The following ZNF75A variants were observed in gnomAD, a reference collection of about 807,000 sequenced individuals.
ZNF75A encodes the protein zinc finger protein 75A.
In ZNF75A, 36 loss-of-function variants were observed where a neutral mutation model predicts 46.3. That is an observed-to-expected ratio of 0.78 (90% CI 0.60 to 1.03). The LOEUF (loss-of-function observed/expected upper bound fraction) is 1.03. ZNF75A is among the 50% of genes least tolerant of loss of function. The pLI, the probability that ZNF75A is intolerant of heterozygous loss-of-function variation, is 0.00. For missense variants in ZNF75A, 595 were observed against 551.3 expected (o/e 1.08, Z -0.79); for synonymous variants, 234 against 189.9 (o/e 1.23, Z -1.91).
At chr16:3,322,400 G>A (rs564407451), downstream of ZNF75A, among the ~76,000 whole-genome samples, 2 of 152,228 alleles carry the variant, frequency 1.3e-5, no homozygotes, top group South Asian at 4.1e-4. Flanking sequence ...GGCAATGGTA[G>A]TTGGGCTGTA....
In ZNF75A at chr16:3,317,919, C is replaced by A; in HGVS notation, c.*50C>A. ...TTCTGAAGACATTCACCAAATGGAGCTTGGCACTAAAATTTATGTAAAAGA... is the reference window on the plus strand; with the variant it reads ...TTCTGAAGACATTCACCAAATGGAGATTGGCACTAAAATTTATGTAAAAGA... On this transcript the variant is annotated 3_prime_UTR_variant, in exon 7 of 7. Coordinates refer to ENST00000669516, the MANE Select transcript of ZNF75A (RefSeq NM_001302109.2). The A allele has an allele frequency of 6.6e-7, 1 of 1,511,084 alleles. No homozygotes were observed. The highest frequency in any genetic ancestry group is 8.8e-7 in the Non-Finnish European group (1 of 1,131,244). 93.6% of individuals were successfully genotyped at this position (1,511,084 alleles called of 1,614,324 possible).
Position 3,318,499 on chromosome 16 carries a change from A to G in ZNF75A, c.*630A>G. On this transcript the variant is annotated 3_prime_UTR_variant, in exon 7 of 7. Transcript: ENST00000669516. Reference sequence around the variant, plus strand: ...CATCTCTAATGGAATCATGGGGGAAACGGGTTGGAATTTGTAGCCATGGAA... The same window carrying G: ...CATCTCTAATGGAATCATGGGGGAAGCGGGTTGGAATTTGTAGCCATGGAA... The G allele has an allele frequency of 1.0e-6, 1 of 985,410 alleles. No individual in the cohort carries two copies. The highest frequency in any genetic ancestry group is 1.2e-6 in the Non-Finnish European group (1 of 829,930). 61.0% of individuals were successfully genotyped at this position (985,410 alleles called of 1,614,324 possible).
intron 5 of ZNF75A, among the ~76,000 whole-genome samples, chr16:3,313,951 T>C (rs1049222656): frequency 6.6e-6 from 1 of 152,184 alleles, no homozygotes; most frequent in Non-Finnish European, 1.5e-5. Flanking sequence ...TTTTACCCTC[T>C]TGTTTCATTT....
At chr16:3,317,152 T>C (rs1235308229) in intron 6 of ZNF75A, 38 bp from the exon 7 acceptor site, 1 of 1,567,368 alleles carries the variant, frequency 6.4e-7, no homozygotes, top group African/African-American at 1.4e-5. Context: ...ATTTGCTTGT[T>C]CTGGGATACA....
intron 1 of ZNF75A, chr16:3,307,322 T>C (rs1960358178): frequency 6.6e-6 from 1 of 152,202 alleles, no homozygotes; most frequent in Non-Finnish European, 1.5e-5. Flanking sequence ...AATTAAGGTA[T>C]CATAGCTATG....
intron 1 of ZNF75A, chr16:3,306,300 A>C (rs1470245349): frequency 6.9e-6 from 1 of 145,076 alleles, no homozygotes; most frequent in Non-Finnish European, 1.5e-5. Context: ...TTTCATAAAC[A>C]TCAGCGACAG....
Position 3,318,314 on chromosome 16 carries a change from C to T in ZNF75A, c.*445C>T, listed in dbSNP as rs151010994. On this transcript the variant is annotated 3_prime_UTR_variant, in exon 7 of 7. Coordinates refer to ENST00000669516, the MANE Select transcript of ZNF75A (RefSeq NM_001302109.2). ...ACACGGTTTGCAAAGTTGGACATCA[C>T]TTGAGTTCCTTCTTAAACTTTTCGG... 4.4e-4 allele frequency: 438 copies of T among 989,588 alleles called. 4 individuals carry two copies. In the African/African-American group the frequency reaches 7.2e-3, roughly 16 times the overall value. 61.3% of individuals were successfully genotyped at this position (989,588 alleles called of 1,614,324 possible).
At position 3,315,475 on chromosome 16, in the gene ZNF75A, G is replaced by A. The variant is rs543137360; in HGVS notation, c.824-1437G>A. ...CTCCCAAAGTGCTGGGATTATAGGC[G>A]TGAGCCACCGTGCCCAGCTAGTACT... On this transcript the variant is annotated intron_variant, in intron 5 of 6. Coordinates refer to ENST00000669516, the MANE Select transcript of ZNF75A (RefSeq NM_001302109.2). Among the ~76,000 whole-genome samples the A allele has an allele frequency of 6.6e-5, 10 of 152,186 alleles. No homozygotes were observed. The East Asian group carries it at 1.5e-3, about 24-fold the overall frequency.
At chr16:3,306,206 T>C (rs1397431355) in intron 1 of ZNF75A, 1 of 152,086 alleles carries the variant, frequency 6.6e-6, no homozygotes, top group Non-Finnish European at 1.5e-5. Flanking sequence ...CAGCCCCCCT[T>C]AGAAGTCTAA....
chr16:3,323,258 G>A, downstream of ZNF75A: 4 of 797,122 alleles, frequency 5.0e-6, 1 homozygote, highest in South Asian at 5.3e-5. Flanking sequence ...CCTTGAGGAA[G>A]CCCACTGTAT....
At chr16:3,314,621 G>C (rs879103522) in intron 5 of ZNF75A, 7 of 971,760 alleles carry the variant, frequency 7.2e-6, no homozygotes, top group Non-Finnish European at 8.6e-6. Flanking sequence ...GTGGGCCCCC[G>C]CCTTTTTTTT....
intron 1 of ZNF75A, chr16:3,306,349 C>T (rs561093841): frequency 3.3e-5 from 5 of 152,024 alleles, no homozygotes; most frequent in African/African-American, 9.7e-5. Flanking sequence ...ATAAAATATC[C>T]TTTTTTACAA....
At chr16:3,315,804 T>C (rs1448298963) in intron 5 of ZNF75A, among the ~76,000 whole-genome samples, 1 of 152,204 alleles carries the variant, frequency 6.6e-6, no homozygotes, top group African/African-American at 2.4e-5. Context: ...TTCCTAACCA[T>C]ATTTGGAGAA....
At position 3,318,522 on chromosome 16, in the gene ZNF75A, G is replaced by A. The variant is rs910713069; in HGVS notation, c.*653G>A. ...AAACGGGTTGGAATTTGTAGCCATG[G>A]AATATATATTAGATGTAAAGAATTT... On this transcript the variant is annotated 3_prime_UTR_variant, in exon 7 of 7. Coordinates refer to ENST00000669516, the MANE Select transcript of ZNF75A (RefSeq NM_001302109.2). 2.0e-6 allele frequency: 2 copies of A among 985,178 alleles called. No individual in the cohort carries two copies. Among genetic ancestry groups the A allele is most frequent in the African/African-American group, 3.5e-5 (2 of 57,192 alleles). 61.0% of individuals were successfully genotyped at this position (985,178 alleles called of 1,614,324 possible).
At chr16:3,323,415 T>A, downstream of ZNF75A, 1 of 777,776 alleles carries the variant, frequency 1.3e-6, no homozygotes, top group Admixed American at 1.7e-5. Flanking sequence ...TCAATCACTG[T>A]GTTGTCTGTC....
In ZNF75A at chr16:3,317,401, A is replaced by T; in HGVS notation, c.1146A>T (p.Lys382Asn). Reference sequence around the variant, plus strand: ...AAAGAAAGAAACTTTCAACCTGGAAACAAGAGCTGCTCAAACTTATGGATC... The same window carrying T: ...AAAGAAAGAAACTTTCAACCTGGAATCAAGAGCTGCTCAAACTTATGGATC... Reference protein sequence around the residue: ...VKKRKKLSTWKQELLKLMDRH... With the variant: ...VKKRKKLSTWNQELLKLMDRH... The change falls in exon 7 of 7, where the codon AAA becomes AAT. Residue 382 changes from lysine (K) to asparagine (N), a missense_variant. Coordinates refer to ENST00000669516, the MANE Select transcript of ZNF75A (RefSeq NM_001302109.2). 6.2e-7 allele frequency: 1 copy of T among 1,614,198 alleles called. No individual in the cohort carries two copies. The highest frequency in any genetic ancestry group is 8.5e-7 in the Non-Finnish European group (1 of 1,180,034).
At chr16:3,320,507 C>T (rs981729431), downstream of ZNF75A, among the ~76,000 whole-genome samples, 4 of 152,190 alleles carry the variant, frequency 2.6e-5, no homozygotes, top group African/African-American at 9.7e-5. Flanking sequence ...CTAATGGGAC[C>T]ACTTAAGACC....
intron 4 of ZNF75A, 83 bp downstream of exon 4, chr16:3,312,851 G>A (rs1019391829): frequency 1.7e-6 from 2 of 1,197,474 alleles, no homozygotes; most frequent in African/African-American, 1.5e-5. Flanking sequence ...TCAGAGGTGT[G>A]TTAGTCCCGG....
intron 1 of ZNF75A, chr16:3,305,992 C>T (rs991736902): frequency 3.3e-5 from 5 of 152,254 alleles, no homozygotes; most frequent in African/African-American, 1.2e-4. Flanking sequence ...ATTTCCGTGT[C>T]CGGCCGATGT....
Sources: allele counts gnomAD v4.1 joint callset (sites outside exome capture counted in the v4.1 genomes callset), GRCh38; gene constraint gnomAD v4.1.1; transcripts MANE v1.5; gene names NCBI Gene and HGNC (gene_info 2026-07-23, HGNC 2026-07-21).